LRIG1: variants seen among roughly 807,000 people sequenced by gnomAD.
LRIG1 encodes leucine rich repeats and immunoglobulin like domains 1.
LRIG1 carries 48 observed loss-of-function variants against 99.2 expected under a neutral mutation model. The observed-to-expected ratio is 0.48, with a 90% CI of 0.38 to 0.62. The LOEUF (loss-of-function observed/expected upper bound fraction) is 0.62. LRIG1 is among the 20% of genes least tolerant of loss of function. LRIG1 has a pLI of 0.00. For synonymous variants in LRIG1, 772 were observed against 596.1 expected (o/e 1.29, Z -4.30); for missense variants, 1,646 against 1,434.4 (o/e 1.15, Z -2.38).
Position 66,500,474 on chromosome 3 carries a change from G to A in LRIG1, c.-67C>T. ...GAGGACCCGAACGGCCGCAGACGCG[G>A]GCGGGCCCGCGGGGCGCTCCGCTCG... On this transcript the variant is annotated 5_prime_UTR_variant, in exon 1 of 19. Coordinates refer to ENST00000273261, the MANE Select transcript of LRIG1 (RefSeq NM_015541.3). 1 of 995,744 alleles carries A rather than the reference G, an allele frequency of 1.0e-6. No individual in the cohort carries two copies. The allele number at this position is 995,744 out of a possible 1,614,324, so 61.7% of individuals were successfully genotyped here. A position where few individuals can be genotyped will look rare whatever the true frequency, so the allele number is the denominator to read the frequency against.
At chr3:66,383,822 GA>G (rs1284612719) in intron 14 of LRIG1, among the ~76,000 whole-genome samples, 168 bp downstream of exon 14, 5 of 152,256 alleles carry the variant, frequency 3.3e-5, no homozygotes, top group Admixed American at 1.3e-4. Flanking sequence ...TAAAGAGATA[GA>G]AACACTTGTT....
intron 1 of LRIG1, among the ~76,000 whole-genome samples, chr3:66,494,830 G>C (rs1293521076): frequency 1.3e-5 from 2 of 152,084 alleles, no homozygotes; most frequent in Non-Finnish European, 2.9e-5. Context: ...CATTCATTTT[G>C]CTTAATAAGA....
rs199991338 is a variant in LRIG1, at chr3:66,405,177, C to A, written c.1160+21G>T. On this transcript the variant is annotated intron_variant, in intron 9 of 18. Transcript: ENST00000273261. ...GTGTCCCGCGCATTTGCCGGCGGAG[C>A]TCCGTGCGGCGGATACTCACAGCTT... is the stretch of plus-strand genomic sequence containing the variant. 122 of 1,611,038 alleles carry A rather than the reference C, an allele frequency of 7.6e-5. No individual in the cohort carries two copies. The East Asian group carries it at 1.8e-3, about 24-fold the overall frequency.
At chr3:66,434,055 G>C (rs1358151005) in intron 3 of LRIG1, among the ~76,000 whole-genome samples, 1 of 152,158 alleles carries the variant, frequency 6.6e-6, no homozygotes, top group Non-Finnish European at 1.5e-5. Flanking sequence ...GACGCTAAAA[G>C]CACAATCCAT....
At chr3:66,485,339 A>G (rs1700948154) in intron 1 of LRIG1, among the ~76,000 whole-genome samples, 1 of 152,112 alleles carries the variant, frequency 6.6e-6, no homozygotes, top group Non-Finnish European at 1.5e-5. Context: ...AAGGCATGCC[A>G]AAGATTTCAG....
intron 1 of LRIG1, 98 bp downstream of exon 1, chr3:66,500,092 C>T (rs535168852): frequency 5.4e-5 from 51 of 945,256 alleles, no homozygotes; most frequent in African/African-American, 5.1e-4. Flanking sequence ...ACACACACAA[C>T]CCAGTCCGCA....
chr3:66,461,332 A>C (rs1343109148), intron 2 of LRIG1, among the ~76,000 whole-genome samples: 2 of 152,182 alleles, frequency 1.3e-5, no homozygotes, highest in Non-Finnish European at 2.9e-5. Context: ...AACAAAAAAC[A>C]ACAAATAAGA....
intron 2 of LRIG1, among the ~76,000 whole-genome samples, chr3:66,461,582 T>C (rs546394808): frequency 1.4e-4 from 21 of 152,314 alleles, no homozygotes; most frequent in African/African-American, 4.8e-4. Flanking sequence ...AAATTACATA[T>C]GTACATGTAA....
At chr3:66,434,083 C>CT (rs1703262779) in intron 3 of LRIG1, among the ~76,000 whole-genome samples, 1 of 152,218 alleles carries the variant, frequency 6.6e-6, no homozygotes, top group Admixed American at 6.5e-5. Flanking sequence ...AAACTTAACA[C>CT]TTATTAGGCT....
intron 9 of LRIG1, among the ~76,000 whole-genome samples, chr3:66,403,302 A>G (rs1247769034): frequency 6.6e-6 from 1 of 152,178 alleles, no homozygotes; most frequent in African/African-American, 2.4e-5. Context: ...TCACACTTAA[A>G]TAAGTGATTG....
chr3:66,382,876 T>C, intron 15 of LRIG1, 106 bp downstream of exon 15: 3 of 1,042,058 alleles, frequency 2.9e-6, no homozygotes, highest in East Asian at 2.6e-5. Context: ...TCAGGAGTTC[T>C]GAACACAGTG....
chr3:66,481,744 T>C (rs548111612), intron 1 of LRIG1, among the ~76,000 whole-genome samples: 2 of 152,226 alleles, frequency 1.3e-5, no homozygotes, highest in East Asian at 1.9e-4. Flanking sequence ...GGAAGACAAA[T>C]AAACGAGAAG....
intron 1 of LRIG1, among the ~76,000 whole-genome samples, chr3:66,479,859 G>A (rs9855346): frequency 0.038 from 5,809 of 152,256 alleles, 366 homozygotes; most frequent in African/African-American, 0.13. Context: ...TGTGCCACGT[G>A]GTGCACACAG....
At chr3:66,395,809 G>T (rs1196826853) in intron 11 of LRIG1, among the ~76,000 whole-genome samples, 1 of 152,170 alleles carries the variant, frequency 6.6e-6, no homozygotes, top group African/African-American at 2.4e-5. Context: ...CGCCAGGCAT[G>T]GGGGGAACTC....
At chr3:66,386,468 G>C (rs533720010) in intron 12 of LRIG1, 167 bp from the exon 13 acceptor site, 86 of 618,664 alleles carry the variant, frequency 1.4e-4, no homozygotes, top group Non-Finnish European at 2.0e-4. Context: ...GTTGCACCAT[G>C]GACATCTGAC....
chr3:66,380,993 C>T, intron 17 of LRIG1, 132 bp from the exon 18 acceptor site: 1 of 848,850 alleles, frequency 1.2e-6, no homozygotes, highest in Non-Finnish European at 1.8e-6. Context: ...CATGCTTCCT[C>T]TTTTCCCCAA....
chr3:66,432,902 G>A (rs1703219929), intron 3 of LRIG1, among the ~76,000 whole-genome samples: 1 of 152,162 alleles, frequency 6.6e-6, no homozygotes, highest in Non-Finnish European at 1.5e-5. Context: ...GGAATGTCCT[G>A]TCGCAAGCCA....
chr3:66,458,382 G>C (rs958195608), intron 2 of LRIG1, among the ~76,000 whole-genome samples: 1 of 151,176 alleles, frequency 6.6e-6, no homozygotes, highest in Admixed American at 6.6e-5. Context: ...TGCTTACAAA[G>C]AAAATGTTTT....
rs537187019 is a variant in LRIG1 at position 66,488,867 on chromosome 3, C to G, written c.218+11323G>C. Among the ~76,000 whole-genome samples the G allele has an allele frequency of 8.5e-5, 13 of 152,312 alleles. No homozygotes were observed. The East Asian group carries it at 2.3e-3, about 27-fold the overall frequency. Reference sequence around the variant, plus strand: ...GCATCATTTACAACTTCACTTATGGCAAGTATTCACTGAAGGACTGCCTGA... The same window carrying G: ...GCATCATTTACAACTTCACTTATGGGAAGTATTCACTGAAGGACTGCCTGA... On this transcript the variant is annotated intron_variant, in intron 1 of 18. Coordinates refer to ENST00000273261, the MANE Select transcript of LRIG1 (RefSeq NM_015541.3).
Sources: allele counts gnomAD v4.1 joint callset (sites outside exome capture counted in the v4.1 genomes callset), GRCh38; gene constraint gnomAD v4.1.1; transcripts MANE v1.5; gene names NCBI Gene and HGNC (gene_info 2026-07-23, HGNC 2026-07-21).